The following ZNF138 variants were observed in gnomAD, a reference collection of about 807,000 sequenced individuals.
ZNF138 encodes the protein zinc finger protein 138.
Under a neutral mutation model 33.0 loss-of-function variants are expected in ZNF138, and 33 were observed. The ratio of observed to expected loss-of-function variants is 1.00; its 90% CI spans 0.76 to 1.34. The LOEUF (loss-of-function observed/expected upper bound fraction) is 1.34, where lower values mean the gene tolerates loss of function less well. Among genes scored for constraint, ZNF138 ranks in the 40% most tolerant of loss-of-function variants. ZNF138 has a pLI of 0.00. For missense variants in ZNF138, 360 were observed against 370.8 expected, an observed-to-expected ratio of 0.97 and a Z score of 0.24; for synonymous variants, 139 against 120.4, an observed-to-expected ratio of 1.15 and a Z score of -1.01.
At chr7:64,850,540 T>C in the ZNF138 span, among the ~76,000 whole-genome samples, 1 of 152,196 alleles carries the variant, frequency 6.6e-6, no homozygotes, top group Admixed American at 6.5e-5. Flanking sequence ...AAGCCAAAAA[T>C]GTTGGGTCAA....
In ZNF138 at chr7:64,794,462, C is replaced by G; in HGVS notation, c.-107C>G. 14 of 1,552,124 alleles carry G rather than the reference C, an allele frequency of 9.0e-6. No homozygotes were observed. Among genetic ancestry groups the G allele is most frequent in the Non-Finnish European group, 1.2e-5 (14 of 1,129,926 alleles). ...CAGCGGGTGCTGCAGGTCTGGCCTTCACTTTTCTGCGTCCTCTTACTCCTA... is the reference window on the plus strand; with the variant it reads ...CAGCGGGTGCTGCAGGTCTGGCCTTGACTTTTCTGCGTCCTCTTACTCCTA... On this transcript the variant is annotated 5_prime_UTR_variant, in exon 1 of 4. Coordinates refer to ENST00000307355, the MANE Select transcript of ZNF138 (RefSeq NM_001271639.2).
Position 64,831,721 on chromosome 7 carries a change from G to A in ZNF138, c.479G>A (p.Arg160Lys), listed in dbSNP as rs1406684223. 1.2e-6 allele frequency: 2 copies of A among 1,613,134 alleles called. No individual in the cohort carries two copies. The highest frequency in any genetic ancestry group is 4.5e-5 in the East Asian group (2 of 44,850). ...TCAAATTCAAATAGACACAAGATAAGACATACTGAAAATAAACATTTCAGA... is the reference window on the plus strand; with the variant it reads ...TCAAATTCAAATAGACACAAGATAAAACATACTGAAAATAAACATTTCAGA... ...KFSNSNRHKI[R>K]HTENKHFRCK... Residue 160 changes from arginine (R) to lysine (K), a missense_variant, in exon 4 of 4, where the codon AGA becomes AAA. Transcript: ENST00000307355.
chr7:64,848,002 A>G, the ZNF138 span, among the ~76,000 whole-genome samples: 1 of 152,060 alleles, frequency 6.6e-6, no homozygotes, highest in African/African-American at 2.4e-5. Context: ...AAAGATGTGT[A>G]TCAATATTTT....
At chr7:64,842,643 T>C in the ZNF138 span, among the ~76,000 whole-genome samples, 7 of 152,224 alleles carry the variant, frequency 4.6e-5, no homozygotes, top group African/African-American at 1.7e-4. Context: ...AACTTGTTCA[T>C]TGTGTTCCCA....
At chr7:64,852,662 A>T in the ZNF138 span, 1 of 1,385,342 alleles carries the variant, frequency 7.2e-7, no homozygotes, top group Non-Finnish European at 1.0e-6. Context: ...GGCCAGCTCT[A>T]CATCTTCTTG....
chr7:64,801,119 C>G lies in ZNF138; in HGVS notation c.3+6548C>G, dbSNP rs575186893. The stretch of plus-strand genomic sequence containing the variant: ...TTATTAATTTTTTTAATAGATTTAA[C>G]TCCTGGATTTCTTGATCTGTTGCAT... On this transcript the variant is annotated intron_variant, in intron 1 of 3. Coordinates refer to ENST00000307355, the MANE Select transcript of ZNF138 (RefSeq NM_001271639.2). Among the ~76,000 whole-genome samples the G allele has an allele frequency of 6.7e-4, 102 of 152,056 alleles. 1 individual carries two copies. The highest frequency in any genetic ancestry group is 2.4e-3 in the Admixed American group (37 of 15,266).
intron 1 of ZNF138, among the ~76,000 whole-genome samples, chr7:64,800,549 C>T (rs1562885935): frequency 2.0e-5 from 3 of 152,096 alleles, no homozygotes; most frequent in Admixed American, 1.3e-4. Context: ...TTGATCATAA[C>T]TGATTAACTT....
intron 1 of ZNF138, among the ~76,000 whole-genome samples, chr7:64,812,724 G>A (rs1244885804): frequency 1.3e-5 from 2 of 152,064 alleles, no homozygotes; most frequent in Admixed American, 6.6e-5. Context: ...GACTGTGGTG[G>A]TAGCAGGTAA....
Position 64,826,857 on chromosome 7 carries a change from C to T in ZNF138, c.209-4594C>T, listed in dbSNP as rs554003600. 1.7e-4 allele frequency among the ~76,000 whole-genome samples: 25 copies of T among 151,278 alleles called. No homozygotes were observed. In the South Asian group the frequency reaches 5.1e-3, roughly 31 times the overall value. ...TATAGACAAGGTTTTGCCATGTTGG[C>T]CAGGCTAGTCTCAAACTTCTGGCCT... On this transcript the variant is annotated intron_variant, in intron 3 of 3. Transcript: ENST00000307355.
chr7:64,832,302 A>G lies in ZNF138; in HGVS notation c.*100A>G. 1 of 1,583,276 alleles carries G rather than the reference A, an allele frequency of 6.3e-7. No homozygotes were observed. The highest frequency in any genetic ancestry group is 8.6e-7 in the Non-Finnish European group (1 of 1,167,056). On this transcript the variant is annotated 3_prime_UTR_variant, in exon 4 of 4. Coordinates refer to ENST00000307355, the MANE Select transcript of ZNF138 (RefSeq NM_001271639.2). ...CCAGTTTTCAACCCTTATTACACATAAGATAATTCATAGCGGAGAGAAACC... is the reference window on the plus strand; with the variant it reads ...CCAGTTTTCAACCCTTATTACACATGAGATAATTCATAGCGGAGAGAAACC...
At chr7:64,845,027 C>G in the ZNF138 span, among the ~76,000 whole-genome samples, 1 of 152,158 alleles carries the variant, frequency 6.6e-6, no homozygotes, top group Non-Finnish European at 1.5e-5. Context: ...TTGGTGCACC[C>G]ATCACCTGAG....
the ZNF138 span, among the ~76,000 whole-genome samples, chr7:64,846,900 T>A: frequency 1.3e-5 from 2 of 152,198 alleles, no homozygotes; most frequent in Non-Finnish European, 2.9e-5. Context: ...AGTAGATTTG[T>A]CATAGATGGC....
At position 64,794,476 on chromosome 7, in the gene ZNF138, C is replaced by G; in HGVS notation, c.-93C>G. On this transcript the variant is annotated 5_prime_UTR_variant, in exon 1 of 4. Transcript: ENST00000307355. ...GGTCTGGCCTTCACTTTTCTGCGTC[C>G]TCTTACTCCTAGAGGCCCAGCCTCT... 2 of 1,586,544 alleles carry G rather than the reference C, an allele frequency of 1.3e-6. No homozygotes were observed. The highest frequency in any genetic ancestry group is 1.7e-6 in the Non-Finnish European group (2 of 1,158,832).
At position 64,831,794 on chromosome 7, in the gene ZNF138, A is replaced by G; in HGVS notation, c.552A>G (p.Gln184=). The G allele has an allele frequency of 1.2e-6, 2 of 1,613,528 alleles. No individual in the cohort carries two copies. The highest frequency in any genetic ancestry group is 1.7e-6 in the Non-Finnish European group (2 of 1,179,894). The change falls in exon 4 of 4, where the codon CAA becomes CAG. Residue 184 remains glutamine, a synonymous_variant. Coordinates refer to ENST00000307355, the MANE Select transcript of ZNF138 (RefSeq NM_001271639.2). ...TTTGCATGCTTTCACGCCTAACTCA[A>G]CATAAAAAAATTCATACTAGAGAGA... The part of the protein sequence containing the change: ...KSLCMLSRLT[Q]HKKIHTRENF...
chr7:64,821,928 T>C (rs1200202114), intron 3 of ZNF138, among the ~76,000 whole-genome samples: 2 of 143,022 alleles, frequency 1.4e-5, no homozygotes, highest in Middle Eastern at 3.4e-3. Flanking sequence ...TTTTTTTTTT[T>C]TTTTTTTTGA....
At chr7:64,796,279 G>C (rs1465294453) in intron 1 of ZNF138, among the ~76,000 whole-genome samples, 3 of 152,160 alleles carry the variant, frequency 2.0e-5, no homozygotes, top group South Asian at 2.1e-4. Context: ...ATAGTGCAGC[G>C]TCTTCAGAGA....
chr7:64,822,046 G>C (rs915501343), intron 3 of ZNF138, among the ~76,000 whole-genome samples: 1 of 149,632 alleles, frequency 6.7e-6, no homozygotes, highest in Non-Finnish European at 1.5e-5. Flanking sequence ...TGCCTCCCGA[G>C]TAGCTGGGAC....
the ZNF138 span, among the ~76,000 whole-genome samples, chr7:64,858,160 C>T: frequency 6.6e-6 from 1 of 152,120 alleles, no homozygotes; most frequent in African/African-American, 2.4e-5. Context: ...GCTTGTTTTG[C>T]TTAAAATACA....
intron 1 of ZNF138, among the ~76,000 whole-genome samples, chr7:64,810,215 G>C (rs1788035339): frequency 6.7e-6 from 1 of 149,468 alleles, no homozygotes; most frequent in African/African-American, 2.5e-5. Flanking sequence ...CGGCACCTTG[G>C]GAGGCCGAGG....
Sources: allele counts gnomAD v4.1 joint callset (sites outside exome capture counted in the v4.1 genomes callset), GRCh38; gene constraint gnomAD v4.1.1; transcripts MANE v1.5; gene names NCBI Gene and HGNC (gene_info 2026-07-23, HGNC 2026-07-21).